The following UBE2T variants were observed in gnomAD, a reference collection of about 807,000 sequenced individuals.
UBE2T encodes the protein ubiquitin conjugating enzyme E2 T.
UBE2T carries 15 observed loss-of-function variants against 23.3 expected under a neutral mutation model. The observed-to-expected ratio is 0.64, with a 90% CI of 0.43 to 0.99. The LOEUF (loss-of-function observed/expected upper bound fraction) is 0.99, where lower values mean the gene tolerates loss of function less well. Among genes scored for constraint, UBE2T ranks in the 50% least tolerant of loss-of-function variants. The pLI, the probability that UBE2T is intolerant of heterozygous loss-of-function variation, is 0.00. For missense variants in UBE2T, 197 were observed against 234.9 expected (o/e 0.84, Z 1.05); for synonymous variants, 67 against 78.4 (o/e 0.85, Z 0.77).
chr1:202,332,437 A>G (rs1038829091), intron 6 of UBE2T, among the ~76,000 whole-genome samples: 2 of 152,230 alleles, frequency 1.3e-5, no homozygotes, highest in Non-Finnish European at 2.9e-5. Flanking sequence ...AATATAAAAA[A>G]AATTAACCAG....
chr1:202,334,834 T>C (rs1654845626), intron 3 of UBE2T, among the ~76,000 whole-genome samples, 155 bp downstream of exon 3: 1 of 152,186 alleles, frequency 6.6e-6, no homozygotes, highest in Admixed American at 6.5e-5. Flanking sequence ...GAAACTGAAC[T>C]CCAGAGAGAG....
chr1:202,334,466 C>A (rs895500912), intron 3 of UBE2T, among the ~76,000 whole-genome samples: 1 of 152,178 alleles, frequency 6.6e-6, no homozygotes, highest in Non-Finnish European at 1.5e-5. Flanking sequence ...TACAACAAAT[C>A]CCCGTGATAT....
In UBE2T at chr1:202,332,514, G is replaced by A. The variant is rs557522954; in HGVS notation, c.468+496C>T. On this transcript the variant is annotated intron_variant, in intron 6 of 6. Transcript: ENST00000646651. Reference sequence around the variant, plus strand: ...TTATGAAACATCTACTGTTAGTTGAGCTATTAGGCTATTTTGCTGAATGAT... The same window carrying A: ...TTATGAAACATCTACTGTTAGTTGAACTATTAGGCTATTTTGCTGAATGAT... 2.0e-5 allele frequency among the ~76,000 whole-genome samples: 3 copies of A among 152,300 alleles called. No individual in the cohort carries two copies. The East Asian group carries it at 5.8e-4, about 29-fold the overall frequency.
intron 1 of UBE2T, among the ~76,000 whole-genome samples, chr1:202,338,272 T>C (rs1400846174): frequency 6.7e-6 from 1 of 149,824 alleles, no homozygotes; most frequent in Non-Finnish European, 1.5e-5. Flanking sequence ...CAGGCTGGAG[T>C]GCAATGGTGT....
At chr1:202,341,214 T>A (rs1237624260) in intron 1 of UBE2T, among the ~76,000 whole-genome samples, 4 of 152,196 alleles carry the variant, frequency 2.6e-5, no homozygotes, top group African/African-American at 9.7e-5. Context: ...CTAGTCTTTT[T>A]TTGTATCAAG....
At chr1:202,339,556 C>T (rs370369743) in intron 1 of UBE2T, among the ~76,000 whole-genome samples, 4 of 141,542 alleles carry the variant, frequency 2.8e-5, no homozygotes, top group African/African-American at 1.1e-4. Context: ...TTCAAGATCA[C>T]GCCACTGCAC....
rs755892024 is a variant in UBE2T, at chr1:202,335,597, A to G, written c.109+49T>C. On this transcript the variant is annotated intron_variant, in intron 2 of 6. Coordinates refer to ENST00000646651, the MANE Select transcript of UBE2T (RefSeq NM_014176.4). This position sits in a 1 kb window ranked among gnomAD's most constrained non-coding sequence, Gnocchi z 4.0. ...ACACAAAATGTTTTATTTCAGCACA[A>G]TCTTCAATAGGGTCATGACTTTCAT... 3.8e-6 allele frequency: 6 copies of G among 1,563,728 alleles called. No homozygotes were observed. Among genetic ancestry groups the G allele is most frequent in the Non-Finnish European group, 4.4e-6 (5 of 1,136,152 alleles).
At chr1:202,338,883 CAAAAAAA>C (rs1175610097) in intron 1 of UBE2T, among the ~76,000 whole-genome samples, 1 of 112,744 alleles carries the variant, frequency 8.9e-6, no homozygotes, top group Non-Finnish European at 1.9e-5. Flanking sequence ...AAACAACAGC[CAAAAAAA>C]AAAAAGAAAA....
intron 1 of UBE2T, among the ~76,000 whole-genome samples, chr1:202,339,599 C>CAAAAAAA (rs56088102): frequency 2.5e-5 from 2 of 79,052 alleles, no homozygotes; most frequent in African/African-American, 4.6e-5. Context: ...GACTCTGTCT[C>CAAAAAAA]AAAAAAAAAA....
intron 1 of UBE2T, among the ~76,000 whole-genome samples, chr1:202,339,311 T>C (rs941353383): frequency 6.6e-6 from 1 of 152,030 alleles, no homozygotes; most frequent in Non-Finnish European, 1.5e-5. Flanking sequence ...TTTATTTGTA[T>C]AATGTTTTAT....
At chr1:202,339,612 A>C (rs964620641) in intron 1 of UBE2T, among the ~76,000 whole-genome samples, 12 of 151,908 alleles carry the variant, frequency 7.9e-5, no homozygotes, top group African/African-American at 2.7e-4. Context: ...AAAAAAAAAA[A>C]AAAAAAAAAA....
chr1:202,336,210 CTTTTTTTTTTTTTT>C (rs60785340), intron 1 of UBE2T, among the ~76,000 whole-genome samples: 4 of 34,332 alleles, frequency 1.2e-4, no homozygotes, highest in African/African-American at 3.2e-4. Flanking sequence ...ATGCACCCAG[CTTTTTTTTTTTTTT>C]TTTTTTTTTT....
intron 3 of UBE2T, among the ~76,000 whole-genome samples, chr1:202,334,153 C>T (rs890384894): frequency 2.6e-5 from 4 of 152,150 alleles, no homozygotes; most frequent in Non-Finnish European, 4.4e-5. Flanking sequence ...GTCAGATAGT[C>T]ATTTCTTCCC....
Position 202,331,973 on chromosome 1 carries a change from C to T in UBE2T, c.469-13G>A, listed in dbSNP as rs1156613185. On this transcript the variant is annotated splice_polypyrimidine_tract_variant and intron_variant, in intron 6 of 6. Transcript: ENST00000646651. ...CTTCCTCATCAGCCTAAAGAGGAGACAGGGTGAAACACAGTAAGGTTCACA... is the reference window on the plus strand; with the variant it reads ...CTTCCTCATCAGCCTAAAGAGGAGATAGGGTGAAACACAGTAAGGTTCACA... 1 of 1,613,714 alleles carries T rather than the reference C, an allele frequency of 6.2e-7. No individual in the cohort carries two copies. Among genetic ancestry groups the T allele is most frequent in the East Asian group, 2.2e-5 (1 of 44,862 alleles).
chr1:202,333,200 T>C (rs774409681), intron 5 of UBE2T, 37 bp downstream of exon 5: 3 of 1,611,774 alleles, frequency 1.9e-6, no homozygotes, highest in Non-Finnish European at 8.5e-7. Context: ...ATAGACAAGG[T>C]AGGATATGTG....
At chr1:202,334,205 G>C (rs895776526) in intron 3 of UBE2T, among the ~76,000 whole-genome samples, 2 of 152,140 alleles carry the variant, frequency 1.3e-5, no homozygotes, top group East Asian at 3.8e-4. Flanking sequence ...CTCACCTGAT[G>C]AGAGCCTTAA....
Position 202,334,247 on chromosome 1 carries a change from T to C in UBE2T, c.180-692A>G, listed in dbSNP as rs533759885. On this transcript the variant is annotated intron_variant, in intron 3 of 6. Coordinates refer to ENST00000646651, the MANE Select transcript of UBE2T (RefSeq NM_014176.4). ...CTTGAATTAAAAGGGGCCTTAACCATAAAAAGAACGAGATCATGGTCTTTG... is the reference window on the plus strand; with the variant it reads ...CTTGAATTAAAAGGGGCCTTAACCACAAAAAGAACGAGATCATGGTCTTTG... Among the ~76,000 whole-genome samples the C allele has an allele frequency of 3.4e-4, 51 of 152,170 alleles. No homozygotes were observed. The Middle Eastern group carries it at 0.014, about 41-fold the overall frequency.
In UBE2T at chr1:202,332,242, T is replaced by C. The variant is rs560391465; in HGVS notation, c.469-282A>G. On this transcript the variant is annotated intron_variant, in intron 6 of 6. Transcript: ENST00000646651. Reference sequence around the variant, plus strand: ...TTCCATGTTCCTGTAATTTGAATTTTGCTAAATGAGGAAATTCTATCAACC... The same window carrying C: ...TTCCATGTTCCTGTAATTTGAATTTCGCTAAATGAGGAAATTCTATCAACC... Among the ~76,000 whole-genome samples, 357 of 152,336 alleles carry C rather than the reference T, an allele frequency of 2.3e-3. 1 individual carries two copies. The highest frequency in any genetic ancestry group is 8.3e-3 in the African/African-American group (345 of 41,580).
chr1:202,338,907 G>C (rs891846864), intron 1 of UBE2T, among the ~76,000 whole-genome samples: 1 of 151,092 alleles, frequency 6.6e-6, no homozygotes, highest in Non-Finnish European at 1.5e-5. Flanking sequence ...AAAAAAGAAA[G>C]AAAGAAAAGC....
Sources: gnomAD v4.1 joint callset for allele counts (sites outside exome capture counted in the v4.1 genomes callset) on GRCh38, gnomAD v4.1.1 for gene constraint, Gnocchi (gnomAD v3.1) non-coding constraint, MANE v1.5 for transcripts, NCBI Gene and HGNC (gene_info 2026-07-23, HGNC 2026-07-21) for gene names.